Variants in NXPE2 observed in about 807,000 individuals in gnomAD.
NXPE2 encodes NXPE family member 2.
NXPE2 carries 34 observed loss-of-function variants against 34.4 expected under a neutral mutation model. That is an observed-to-expected ratio of 0.99 (90% CI 0.75 to 1.31). The LOEUF (loss-of-function observed/expected upper bound fraction) is 1.31, where lower values mean the gene tolerates loss of function less well. Among genes scored for constraint, NXPE2 ranks in the 40% most tolerant of loss-of-function variants. NXPE2 has a pLI of 0.00. For missense variants in NXPE2, 649 were observed against 672.5 expected (o/e 0.97, Z 0.39); for synonymous variants, 235 against 231.3 (o/e 1.02, Z -0.15).
the NXPE2 span, among the ~76,000 whole-genome samples, chr11:114,661,651 A>G: frequency 6.6e-6 from 1 of 152,198 alleles, no homozygotes; most frequent in African/African-American, 2.4e-5. Flanking sequence ...TCTTTATCTC[A>G]GGATTTTGCA....
Position 114,698,184 on chromosome 11 carries a change from T to C in NXPE2, c.272T>C (p.Leu91Pro), listed in dbSNP as rs372557447. 439 of 1,614,172 alleles carry C rather than the reference T, an allele frequency of 2.7e-4. 3 individuals carry two copies. In the South Asian group the frequency reaches 3.7e-3, roughly 13 times the overall value. The change falls in exon 3 of 6, where the codon CTA becomes CCA. Residue 91 changes from leucine (L) to proline (P), a missense_variant. Transcript: ENST00000389586. ...ELRIKDIMEKLDQQIPPRPFT... is the reference protein window; with the variant it reads ...ELRIKDIMEKPDQQIPPRPFT... ...AGAATAAAGGACATTATGGAGAAAC[T>C]AGACCAGCAGATCCCACCCAGACCT...
chr11:114,607,416 A>G, the NXPE2 span, among the ~76,000 whole-genome samples: 19 of 152,032 alleles, frequency 1.2e-4, no homozygotes, highest in Middle Eastern at 0.01. Flanking sequence ...TACCTGGTGG[A>G]TAATATGTAT....
At chr11:114,687,850 G>C (rs1397992296) in intron 2 of NXPE2, among the ~76,000 whole-genome samples, 1 of 149,062 alleles carries the variant, frequency 6.7e-6, no homozygotes, top group Non-Finnish European at 1.5e-5. Context: ...ATTTTTTGTA[G>C]CTGTTTACAT....
chr11:114,761,955 G>A, the NXPE2 span, among the ~76,000 whole-genome samples: 1 of 152,214 alleles, frequency 6.6e-6, no homozygotes, highest in Non-Finnish European at 1.5e-5. Context: ...GAGCTTTGGG[G>A]AATGGTAATG....
At chr11:114,639,241 G>A in the NXPE2 span, among the ~76,000 whole-genome samples, 3 of 152,028 alleles carry the variant, frequency 2.0e-5, no homozygotes, top group African/African-American at 4.8e-5. Flanking sequence ...AGCAATCAGC[G>A]AGACTCTGTG....
At chr11:114,483,577 C>T in the NXPE2 span, among the ~76,000 whole-genome samples, 1 of 152,198 alleles carries the variant, frequency 6.6e-6, no homozygotes, top group African/African-American at 2.4e-5. Flanking sequence ...TAAAATTGAT[C>T]AACCAAAACT....
chr11:114,676,179 G>A (rs1950856283), upstream of NXPE2, among the ~76,000 whole-genome samples: 1 of 151,840 alleles, frequency 6.6e-6, no homozygotes, highest in Non-Finnish European at 1.5e-5. Context: ...AAATCTCTTT[G>A]ATATTGGTAT....
At chr11:114,478,463 G>T in the NXPE2 span, among the ~76,000 whole-genome samples, 1 of 152,162 alleles carries the variant, frequency 6.6e-6, no homozygotes, top group Non-Finnish European at 1.5e-5. Flanking sequence ...GGATAAGGGA[G>T]AGGAGGTGTC....
At chr11:114,655,540 T>C in the NXPE2 span, among the ~76,000 whole-genome samples, 2 of 152,214 alleles carry the variant, frequency 1.3e-5, no homozygotes, top group Non-Finnish European at 1.5e-5. Context: ...GTTTTCTGCA[T>C]ATGGCTAGCC....
At chr11:114,635,690 G>A in the NXPE2 span, among the ~76,000 whole-genome samples, 2 of 151,804 alleles carry the variant, frequency 1.3e-5, no homozygotes, top group Admixed American at 1.3e-4. Flanking sequence ...GTTGAATTTT[G>A]TCAAAGGCCT....
the NXPE2 span, among the ~76,000 whole-genome samples, chr11:114,744,071 A>G: frequency 1.3e-4 from 20 of 151,924 alleles, no homozygotes; most frequent in Admixed American, 1.3e-3. Context: ...GCTCAATCCC[A>G]TATACACGAG....
the NXPE2 span, chr11:114,582,649 C>T: frequency 6.2e-7 from 1 of 1,614,196 alleles, no homozygotes. Flanking sequence ...TTGTTGAAGT[C>T]AGTCACCTTT....
the NXPE2 span, chr11:114,526,741 A>G: frequency 6.6e-6 from 1 of 152,196 alleles, no homozygotes; most frequent in African/African-American, 2.4e-5. Context: ...AAAATACAGG[A>G]CACCGTATTA....
the NXPE2 span, among the ~76,000 whole-genome samples, chr11:114,566,492 AAAG>A: frequency 3.9e-5 from 6 of 152,242 alleles, no homozygotes; most frequent in African/African-American, 1.4e-4. Flanking sequence ...GGATGAAGAC[AAAG>A]AAGTAGCCAT....
chr11:114,499,438 T>C, the NXPE2 span, among the ~76,000 whole-genome samples: 1 of 152,192 alleles, frequency 6.6e-6, no homozygotes, highest in African/African-American at 2.4e-5. Context: ...TTTTTAAAAA[T>C]GAATATATTT....
the NXPE2 span, among the ~76,000 whole-genome samples, chr11:114,714,112 G>A: frequency 1.3e-5 from 2 of 152,184 alleles, no homozygotes; most frequent in African/African-American, 2.4e-5. Context: ...TAGGAATTTT[G>A]CTGACTTACT....
At chr11:114,603,266 C>A in the NXPE2 span, among the ~76,000 whole-genome samples, 1 of 148,500 alleles carries the variant, frequency 6.7e-6, no homozygotes, top group East Asian at 2.0e-4. Flanking sequence ...CTCCTATTTC[C>A]TGGTGGATGA....
chr11:114,623,349 C>G, the NXPE2 span, among the ~76,000 whole-genome samples: 3 of 151,126 alleles, frequency 2.0e-5, no homozygotes, highest in African/African-American at 7.3e-5. Context: ...AAATAAGTAT[C>G]GCCTGTAGGG....
the NXPE2 span, among the ~76,000 whole-genome samples, chr11:114,472,175 C>G: frequency 8.5e-5 from 13 of 152,326 alleles, no homozygotes; most frequent in Admixed American, 3.9e-4. Flanking sequence ...TGGGCTGAAG[C>G]AACCTCACAT....
Sources: allele counts gnomAD v4.1 joint callset (sites outside exome capture counted in the v4.1 genomes callset), GRCh38; gene constraint gnomAD v4.1.1; transcripts MANE v1.5; gene names NCBI Gene and HGNC (gene_info 2026-07-23, HGNC 2026-07-21).